Variants in SMAD2 observed in about 807,000 individuals in gnomAD.
SMAD2 encodes the protein MAD homolog 2.
A neutral mutation model predicts 64.4 loss-of-function variants in SMAD2; 8 were observed. That is an observed-to-expected ratio of 0.12 (90% CI 0.07 to 0.22). The LOEUF is 0.22. Ranked by LOEUF, SMAD2 falls within the 10% of genes least tolerant of loss-of-function variation. SMAD2 has a pLI of 1.00. For missense variants in SMAD2, 289 were observed against 561.2 expected, an observed-to-expected ratio of 0.51 and a Z score of 4.90; for synonymous variants, 203 against 195.8, an observed-to-expected ratio of 1.04 and a Z score of -0.31.
At chr18:47,906,162 A>G (rs1358566075) in intron 1 of SMAD2, among the ~76,000 whole-genome samples, 1 of 152,016 alleles carries the variant, frequency 6.6e-6, no homozygotes, top group African/African-American at 2.4e-5. Context: ...ATACAGGCTG[A>G]GCATCACAAA....
intron 3 of SMAD2, among the ~76,000 whole-genome samples, chr18:47,870,031 A>T (rs957479406): frequency 2.0e-5 from 3 of 152,124 alleles, no homozygotes; most frequent in Admixed American, 6.6e-5. Flanking sequence ...TGAAGTGATT[A>T]AAAAAAGTAA....
intron 2 of SMAD2, among the ~76,000 whole-genome samples, chr18:47,883,604 T>C (rs2032732907): frequency 6.6e-6 from 1 of 152,220 alleles, no homozygotes; most frequent in Non-Finnish European, 1.5e-5. Flanking sequence ...TCCCATTAAT[T>C]CTACCCAGTT....
chr18:47,923,201 T>A (rs2034633717), intron 1 of SMAD2, among the ~76,000 whole-genome samples: 3 of 147,316 alleles, frequency 2.0e-5, no homozygotes, highest in Non-Finnish European at 1.5e-5. Context: ...AAAGCACCTA[T>A]GACAACACTA....
intron 1 of SMAD2, among the ~76,000 whole-genome samples, chr18:47,925,913 G>A (rs2034743777): frequency 6.6e-6 from 1 of 152,170 alleles, no homozygotes; most frequent in East Asian, 1.9e-4. Flanking sequence ...CAGAGAGACT[G>A]GCCAACTATC....
chr18:47,812,384 C>A lies in SMAD2; in HGVS notation c.*29443G>T, dbSNP rs184327869. ...CAATTAAACCTCTTTTATAAATTAC[C>A]CAGTCTCCGGTATCTCTTTATTAGC... On this transcript the variant is annotated 3_prime_UTR_variant, in exon 11 of 11. Coordinates refer to ENST00000262160, the MANE Select transcript of SMAD2 (RefSeq NM_005901.6). 2 of 152,198 alleles carry A rather than the reference C, an allele frequency of 1.3e-5. No individual in the cohort carries two copies. The highest frequency in any genetic ancestry group is 3.9e-4 in the East Asian group (2 of 5,160). 9.4% of individuals were successfully genotyped at this position (152,198 alleles called of 1,614,324 possible).
chr18:47,926,672 C>T (rs550236253), intron 1 of SMAD2, among the ~76,000 whole-genome samples: 2 of 152,336 alleles, frequency 1.3e-5, no homozygotes, highest in East Asian at 1.9e-4. Context: ...AAGCTTTAAG[C>T]TATGGACTGG....
chr18:47,856,140 G>T (rs987743956), intron 6 of SMAD2, among the ~76,000 whole-genome samples: 1 of 104,172 alleles, frequency 9.6e-6, no homozygotes, highest in African/African-American at 3.3e-5. Flanking sequence ...TCATATGTGG[G>T]GTTTTTTTTT....
intron 1 of SMAD2, chr18:47,912,162 G>A (rs2034162937): frequency 6.6e-6 from 1 of 152,128 alleles, no homozygotes; most frequent in South Asian, 2.1e-4. Context: ...GAAAAATTTA[G>A]GTTATCACTA....
Position 47,924,604 on chromosome 18 carries a change from G to A in SMAD2, c.-54+5757C>T, listed in dbSNP as rs918224991. ...AGCCTCTTGAGCAGCTGGGACTACA[G>A]GTACCCGCCACCACACCCAGCTAAT... is the stretch of plus-strand genomic sequence containing the variant. On this transcript the variant is annotated intron_variant, in intron 1 of 10. Coordinates refer to ENST00000262160, the MANE Select transcript of SMAD2 (RefSeq NM_005901.6). Among the ~76,000 whole-genome samples, 25 of 151,972 alleles carry A rather than the reference G, an allele frequency of 1.6e-4. 1 individual carries two copies. Among genetic ancestry groups the A allele is most frequent in the Admixed American group, 1.1e-3 (17 of 15,270 alleles).
chr18:47,923,900 T>A lies in SMAD2; in HGVS notation c.-54+6461A>T, dbSNP rs564254724. ...CCCTCCTGATAACTAAAACATTTTT[T>A]AAAAAAAAGTTTAATTGATCAGCTA... On this transcript the variant is annotated intron_variant, in intron 1 of 10. Transcript: ENST00000262160. Among the ~76,000 whole-genome samples, 9 of 152,004 alleles carry A rather than the reference T, an allele frequency of 5.9e-5. No homozygotes were observed. In the South Asian group the frequency reaches 6.2e-4, roughly 11 times the overall value.
At chr18:47,872,025 T>G (rs17741519) in intron 2 of SMAD2, among the ~76,000 whole-genome samples, 2,641 of 152,280 alleles carry the variant, frequency 0.017, 39 homozygotes, top group Non-Finnish European at 0.024. Flanking sequence ...GAATCTAAAA[T>G]AGAGCATGAA....
intron 2 of SMAD2, among the ~76,000 whole-genome samples, chr18:47,885,367 T>C (rs1001828803): frequency 6.6e-6 from 1 of 152,056 alleles, no homozygotes; most frequent in African/African-American, 2.4e-5. Flanking sequence ...AGGATTTCAC[T>C]ATGTTGGCCA....
intron 6 of SMAD2, among the ~76,000 whole-genome samples, chr18:47,860,088 C>T (rs1251319506): frequency 6.6e-6 from 1 of 152,034 alleles, no homozygotes; most frequent in Non-Finnish European, 1.5e-5. Flanking sequence ...GTGAGCCAAC[C>T]AGGCCACTGC....
chr18:47,841,758 A>C lies in SMAD2; in HGVS notation c.*69T>G. On this transcript the variant is annotated 3_prime_UTR_variant, in exon 11 of 11. Transcript: ENST00000262160. ...TTTGGATAGTAAACAGTCCATAGGG[A>C]CCACACACAATGCTATGACAGAAGA... 1.9e-6 allele frequency: 3 copies of C among 1,583,840 alleles called. No individual in the cohort carries two copies. The highest frequency in any genetic ancestry group is 2.6e-6 in the Non-Finnish European group (3 of 1,153,474).
intron 6 of SMAD2, among the ~76,000 whole-genome samples, chr18:47,861,396 G>T (rs1164389837): frequency 2.0e-5 from 3 of 152,002 alleles, no homozygotes; most frequent in Non-Finnish European, 4.4e-5. Context: ...AAAACCTCAA[G>T]AATCTACAGA....
At position 47,839,399 on chromosome 18, in the gene SMAD2, T is replaced by A. The variant is rs1428877196; in HGVS notation, c.*2428A>T. On this transcript the variant is annotated 3_prime_UTR_variant, in exon 11 of 11. Transcript: ENST00000262160. ...AAAGAAGGGCAGAGGCTCCACTGAG[T>A]ATCTCCTACAGGCCTGATAGTGGTA... 1.7e-5 allele frequency: 4 copies of A among 233,234 alleles called. No individual in the cohort carries two copies. Among genetic ancestry groups the A allele is most frequent in the Non-Finnish European group, 3.4e-5 (4 of 118,042 alleles). 14.4% of individuals were successfully genotyped at this position (233,234 alleles called of 1,614,324 possible).
intron 1 of SMAD2, among the ~76,000 whole-genome samples, chr18:47,915,597 C>T (rs2034301099): frequency 6.6e-6 from 1 of 152,180 alleles, no homozygotes; most frequent in South Asian, 2.1e-4. Flanking sequence ...GTGAAAAGTA[C>T]ATTTTACATG....
chr18:47,908,397 A>T (rs2033989780), intron 1 of SMAD2, among the ~76,000 whole-genome samples: 2 of 152,254 alleles, frequency 1.3e-5, no homozygotes, highest in African/African-American at 4.8e-5. Flanking sequence ...TTTATTCAAG[A>T]AACATTGCAA....
chr18:47,898,841 C>T (rs1221681209), intron 1 of SMAD2, among the ~76,000 whole-genome samples: 1 of 151,974 alleles, frequency 6.6e-6, no homozygotes, highest in Non-Finnish European at 1.5e-5. Context: ...AATATTTGCA[C>T]TTCCTTGGCA....
Sources: allele counts gnomAD v4.1 joint callset (sites outside exome capture counted in the v4.1 genomes callset), GRCh38; gene constraint gnomAD v4.1.1; transcripts MANE v1.5; gene names NCBI Gene and HGNC (gene_info 2026-07-23, HGNC 2026-07-21).